The following KMT2E variants were observed in gnomAD, a reference collection of about 807,000 sequenced individuals.
KMT2E encodes lysine methyltransferase 2E (inactive).
A neutral mutation model predicts 184.6 loss-of-function variants in KMT2E; 30 were observed. That is an observed-to-expected ratio of 0.16 (90% CI 0.12 to 0.22). KMT2E has a LOEUF of 0.22. Among genes scored for constraint, KMT2E ranks in the 10% least tolerant of loss-of-function variants. KMT2E has a pLI of 1.00. For synonymous variants in KMT2E, 815 were observed against 776.5 expected, an observed-to-expected ratio of 1.05 and a Z score of -0.82; for missense variants, 2,023 against 2,237.4, an observed-to-expected ratio of 0.90 and a Z score of 1.93.
intron 3 of KMT2E, among the ~76,000 whole-genome samples, chr7:105,049,369 G>T (rs1796233811): frequency 6.6e-6 from 1 of 151,988 alleles, no homozygotes; most frequent in South Asian, 2.1e-4. Context: ...GCTTGAGCCT[G>T]GGAGGTCTAG....
At chr7:105,032,073 C>CA (rs869308527) in intron 1 of KMT2E, among the ~76,000 whole-genome samples, 13,438 of 77,070 alleles carry the variant, frequency 0.17, 942 homozygotes, top group South Asian at 0.28. Flanking sequence ...ACTCTTATCA[C>CA]AAAAAAAAAA....
At chr7:105,101,049 TATC>T (rs954396121) in intron 15 of KMT2E, among the ~76,000 whole-genome samples, 2 of 152,218 alleles carry the variant, frequency 1.3e-5, no homozygotes, top group Admixed American at 1.3e-4. Flanking sequence ...CTTTTCAACA[TATC>T]ATTACCTTAG....
chr7:105,043,828 T>C (rs2129565574), intron 3 of KMT2E, among the ~76,000 whole-genome samples: 1 of 152,338 alleles, frequency 6.6e-6, no homozygotes. Context: ...TGGTGGCTTA[T>C]ACCTGTAATT....
At position 105,114,549 on chromosome 7, in the gene KMT2E, A is replaced by AAATT. The variant is rs1437481787; in HGVS notation, c.*1219_*1222dup. 6.6e-6 allele frequency among the ~76,000 whole-genome samples: 1 copy of AAATT among 152,202 alleles called. No individual in the cohort carries two copies. Among genetic ancestry groups the AAATT allele is most frequent in the African/African-American group, 2.4e-5 (1 of 41,442 alleles). On this transcript the variant is annotated 3_prime_UTR_variant, in exon 27 of 27. Transcript: ENST00000311117. Reference sequence around the variant, plus strand: ...TAGTTATTAATTATTAATCTTCAAAAAATTAAAAATTTCCCAGCCTTTGTC... The same window carrying AAATT: ...TAGTTATTAATTATTAATCTTCAAAAAATTAATTAAAAATTTCCCAGCCTTTGTC...
chr7:105,032,747 C>T (rs1795479131), intron 1 of KMT2E, among the ~76,000 whole-genome samples: 1 of 152,208 alleles, frequency 6.6e-6, no homozygotes, highest in Non-Finnish European at 1.5e-5. Flanking sequence ...TCAAGCAGTC[C>T]TCCTGCCTTG....
Position 105,113,196 on chromosome 7 carries a change from C to T in KMT2E, c.5440C>T (p.His1814Tyr), listed in dbSNP as rs1187515525. 3 of 1,614,134 alleles carry T rather than the reference C, an allele frequency of 1.9e-6. No homozygotes were observed. The highest frequency in any genetic ancestry group is 1.3e-5 in the African/African-American group (1 of 74,946). Reference sequence around the variant, plus strand: ...ACCTACTGCTTCAGGGTTCTGTCCTCATCCTGGCTCTGTGGCCCTGCCACA... The same window carrying T: ...ACCTACTGCTTCAGGGTTCTGTCCTTATCCTGGCTCTGTGGCCCTGCCACA... ...PTPTASGFCP[H>Y]PGSVALPHGV... is the part of the protein sequence containing the mutation. Residue 1814 changes from histidine (H) to tyrosine (Y), a missense_variant, in exon 27 of 27, where the codon CAT becomes TAT. Transcript: ENST00000311117.
rs200289007 is a variant in KMT2E at position 105,077,140 on chromosome 7, A to T, written c.946A>T (p.Met316Leu). The change falls in exon 10 of 27, where the codon ATG (methionine) becomes TTG (leucine). Residue 316 changes from methionine (M) to leucine (L), a missense_variant. Met to Leu is a conservative substitution (Grantham distance 15). Transcript: ENST00000311117. ...RLGNGNDKKE[M>L]NKSDLNTNNL... ...AGGCAATGGAAATGACAAAAAAGAG[A>T]TGAATAAATCCGATTTGAATACCAA... is the stretch of plus-strand genomic sequence containing the variant. 1.1e-4 allele frequency: 174 copies of T among 1,614,078 alleles called. No homozygotes were observed. In the Middle Eastern group the frequency reaches 6.9e-3, roughly 64 times the overall value.
At chr7:105,077,732 A>G (rs922538726) in intron 11 of KMT2E, 1 of 250,632 alleles carries the variant, frequency 4.0e-6, no homozygotes, top group Non-Finnish European at 7.7e-6. Context: ...ATAGAAGGAT[A>G]TCAGTCAGGA....
chr7:105,112,804 C>CCCCCCG lies in KMT2E; in HGVS notation c.5048_5049insCCCCCG (p.Pro1684_Gly1685insArgPro). The CCCCCCG allele has an allele frequency of 1.9e-6, 3 of 1,600,632 alleles. No homozygotes were observed. Among genetic ancestry groups the CCCCCCG allele is most frequent in the Non-Finnish European group, 2.6e-6 (3 of 1,173,214 alleles). ...CACCACTTACCCCCACCCCCACCCC[C>CCCCCCG]TCCTGGTCCTGCCCCTCATCACCAT... On this transcript the variant is annotated inframe_insertion, in exon 27 of 27. Coordinates refer to ENST00000311117, the MANE Select transcript of KMT2E (RefSeq NM_182931.3).
chr7:105,106,411 A>T (rs1361012039), intron 19 of KMT2E, 111 bp from the exon 20 acceptor site: 2 of 1,040,574 alleles, frequency 1.9e-6, no homozygotes, highest in Non-Finnish European at 2.8e-6. Context: ...GTTTTGGGGT[A>T]AAAGTCATAA....
chr7:105,110,950 T>C (rs1799221221), intron 26 of KMT2E, 82 bp downstream of exon 26: 2 of 934,634 alleles, frequency 2.1e-6, no homozygotes, highest in Non-Finnish European at 3.5e-6. Context: ...ATGCAGTGTT[T>C]TTCTGCTGTA....
At chr7:105,046,840 A>T (rs1261306218) in intron 3 of KMT2E, among the ~76,000 whole-genome samples, 1 of 152,214 alleles carries the variant, frequency 6.6e-6, no homozygotes, top group African/African-American at 2.4e-5. Flanking sequence ...ATACAGTTTA[A>T]CAAAATTGCC....
intron 15 of KMT2E, among the ~76,000 whole-genome samples, chr7:105,098,729 C>T (rs1798528514): frequency 6.6e-6 from 1 of 151,988 alleles, no homozygotes; most frequent in Non-Finnish European, 1.5e-5. Flanking sequence ...AGATGGGAGT[C>T]TTGCTTTGTG....
intron 1 of KMT2E, among the ~76,000 whole-genome samples, chr7:105,023,302 TG>T (rs973020165): frequency 2.8e-5 from 4 of 145,044 alleles, no homozygotes; most frequent in African/African-American, 1.0e-4. Flanking sequence ...CTTGGGAGGC[TG>T]GGGCAGGACA....
chr7:105,101,137 G>T (rs1798639813), intron 15 of KMT2E, among the ~76,000 whole-genome samples: 1 of 152,030 alleles, frequency 6.6e-6, no homozygotes, highest in Non-Finnish European at 1.5e-5. Context: ...GTAAAACAAG[G>T]TAATTTTTGA....
At chr7:105,056,393 A>G (rs1796570973) in intron 3 of KMT2E, among the ~76,000 whole-genome samples, 1 of 152,184 alleles carries the variant, frequency 6.6e-6, no homozygotes, top group African/African-American at 2.4e-5. Context: ...AAGGGTTTAG[A>G]CATTACTTGC....
intron 3 of KMT2E, among the ~76,000 whole-genome samples, chr7:105,059,215 T>C (rs746765221): frequency 5.9e-5 from 9 of 152,238 alleles, no homozygotes; most frequent in Non-Finnish European, 1.0e-4. Flanking sequence ...GCAAAAGTTA[T>C]GGCTGCTACT....
At chr7:105,043,980 C>A (rs971748362) in intron 3 of KMT2E, among the ~76,000 whole-genome samples, 5 of 152,092 alleles carry the variant, frequency 3.3e-5, no homozygotes, top group African/African-American at 9.7e-5. Flanking sequence ...TGCCTGTAGT[C>A]CCAGCTACTT....
intron 15 of KMT2E, 49 bp downstream of exon 15, chr7:105,091,363 A>G (rs1452108255): frequency 6.0e-6 from 6 of 1,000,214 alleles, no homozygotes; most frequent in East Asian, 2.4e-5. Flanking sequence ...TGCTCTGCAT[A>G]TGGTAATTGT....
Sources: allele counts gnomAD v4.1 joint callset (sites outside exome capture counted in the v4.1 genomes callset), GRCh38; gene constraint gnomAD v4.1.1; transcripts MANE v1.5; gene names NCBI Gene and HGNC (gene_info 2026-07-23, HGNC 2026-07-21).